Variants in LHFPL3 observed in about 807,000 individuals in gnomAD.
The protein encoded by LHFPL3 is LHFPL tetraspan subfamily member 3.
In LHFPL3, 5 loss-of-function variants were observed where a neutral mutation model predicts 19.3. The observed-to-expected ratio is 0.26, with a 90% CI of 0.14 to 0.54. The LOEUF is 0.54. Among genes scored for constraint, LHFPL3 ranks in the 20% least tolerant of loss-of-function variants. LHFPL3 has a pLI of 0.94. For missense variants in LHFPL3, 249 were observed against 307.4 expected (o/e 0.81, Z 1.42); for synonymous variants, 133 against 126.2 (o/e 1.05, Z -0.36).
intron 2 of LHFPL3, among the ~76,000 whole-genome samples, chr7:104,747,780 T>C (rs1048953206): frequency 4.6e-5 from 7 of 152,208 alleles, no homozygotes; most frequent in African/African-American, 1.7e-4. Flanking sequence ...CAAATAATAA[T>C]TTTCAGGTAG....
intron 1 of LHFPL3, among the ~76,000 whole-genome samples, chr7:104,432,849 T>C (rs1199098304): frequency 1.3e-5 from 2 of 152,152 alleles, no homozygotes; most frequent in African/African-American, 4.8e-5. Context: ...TCACACTCTT[T>C]TTTATCTTCC....
At chr7:104,561,004 C>G (rs1789984457) in intron 1 of LHFPL3, among the ~76,000 whole-genome samples, 2 of 151,438 alleles carry the variant, frequency 1.3e-5, no homozygotes, top group Non-Finnish European at 2.9e-5. Context: ...GAGTGAGATT[C>G]TTAACCCTGA....
At chr7:104,453,916 C>T (rs1027774173) in intron 1 of LHFPL3, among the ~76,000 whole-genome samples, 1 of 152,206 alleles carries the variant, frequency 6.6e-6, no homozygotes, top group Admixed American at 6.5e-5. Flanking sequence ...TCCCTGGAAG[C>T]AGAGCAGATG....
chr7:104,729,365 G>A (rs1474771587), intron 1 of LHFPL3, among the ~76,000 whole-genome samples: 1 of 152,096 alleles, frequency 6.6e-6, no homozygotes, highest in East Asian at 1.9e-4. Flanking sequence ...TTTGTGGCAA[G>A]AACATTCAAA....
chr7:104,701,955 T>G (rs1006500120), intron 1 of LHFPL3, among the ~76,000 whole-genome samples: 1 of 152,190 alleles, frequency 6.6e-6, no homozygotes, highest in African/African-American at 2.4e-5. Flanking sequence ...GGTGGTTTGC[T>G]GCATCCATCA....
intron 2 of LHFPL3, among the ~76,000 whole-genome samples, chr7:104,878,198 T>C (rs957573735): frequency 2.6e-5 from 4 of 151,992 alleles, no homozygotes; most frequent in Admixed American, 6.6e-5. Context: ...AGATGATGGA[T>C]AAACAAAATG....
chr7:104,874,481 G>A (rs951285444), intron 2 of LHFPL3, among the ~76,000 whole-genome samples: 2 of 149,348 alleles, frequency 1.3e-5, no homozygotes, highest in East Asian at 2.0e-4. Context: ...TGCAACCTCC[G>A]TCTCCACGGT....
chr7:104,398,896 T>C (rs898157731), intron 1 of LHFPL3, among the ~76,000 whole-genome samples: 1 of 152,078 alleles, frequency 6.6e-6, no homozygotes, highest in African/African-American at 2.4e-5. Context: ...ATATCACAAC[T>C]CCTATCATGC....
intron 1 of LHFPL3, among the ~76,000 whole-genome samples, chr7:104,460,532 T>C (rs1792640220): frequency 6.6e-6 from 1 of 152,086 alleles, no homozygotes. Context: ...ACTTTTTAAT[T>C]ATAGCCATTC....
chr7:104,710,313 T>G (rs1418050764), intron 1 of LHFPL3, among the ~76,000 whole-genome samples: 2 of 152,222 alleles, frequency 1.3e-5, no homozygotes, highest in Non-Finnish European at 2.9e-5. Flanking sequence ...ACATGAATAT[T>G]TGTTGGTGAG....
At chr7:104,689,727 T>C (rs868253624) in intron 1 of LHFPL3, among the ~76,000 whole-genome samples, 1 of 152,332 alleles carries the variant, frequency 6.6e-6, no homozygotes, top group African/African-American at 2.4e-5. Flanking sequence ...TCTGAGCTGA[T>C]GTTGATTCCA....
chr7:104,381,172 A>G lies in LHFPL3; in HGVS notation c.445+51948A>G, dbSNP rs147588902. Among the ~76,000 whole-genome samples, 8 of 152,282 alleles carry G rather than the reference A, an allele frequency of 5.3e-5. No homozygotes were observed. The East Asian group carries it at 1.5e-3, about 29-fold the overall frequency. On this transcript the variant is annotated intron_variant, in intron 1 of 2. Coordinates refer to ENST00000424859, the MANE Select transcript of LHFPL3 (RefSeq NM_199000.3). ...GTTCACTTGTGACATTTAGCTTAGG[A>G]ATGTATTCAATGAGGACTGTAAATT...
At chr7:104,805,241 C>A (rs139774133) in intron 2 of LHFPL3, among the ~76,000 whole-genome samples, 1 of 152,202 alleles carries the variant, frequency 6.6e-6, no homozygotes, top group Non-Finnish European at 1.5e-5. Flanking sequence ...GTTTCATTGA[C>A]GATATCTGGG....
chr7:104,351,674 CAT>C (rs1419152207), intron 1 of LHFPL3, among the ~76,000 whole-genome samples: 4 of 152,160 alleles, frequency 2.6e-5, no homozygotes. Flanking sequence ...TTTGGCCAAA[CAT>C]AGAAAACAAA....
intron 1 of LHFPL3, among the ~76,000 whole-genome samples, chr7:104,685,832 T>A (rs1792794263): frequency 6.6e-6 from 1 of 152,226 alleles, no homozygotes; most frequent in Non-Finnish European, 1.5e-5. Context: ...CAAGAGCAGT[T>A]GTTCCTTCAG....
intron 2 of LHFPL3, among the ~76,000 whole-genome samples, chr7:104,839,082 C>T (rs1791149823): frequency 6.6e-6 from 1 of 152,186 alleles, no homozygotes; most frequent in Non-Finnish European, 1.5e-5. Flanking sequence ...GGGGAGCTCC[C>T]TGCAGGTTCC....
chr7:104,476,482 G>T (rs535631887), intron 1 of LHFPL3, among the ~76,000 whole-genome samples: 1 of 150,710 alleles, frequency 6.6e-6, no homozygotes, highest in East Asian at 1.9e-4. Flanking sequence ...TTTTTGAGAT[G>T]AAGTTTTGCT....
At chr7:104,459,417 C>G (rs1792613914) in intron 1 of LHFPL3, among the ~76,000 whole-genome samples, 1 of 152,164 alleles carries the variant, frequency 6.6e-6, no homozygotes, top group Admixed American at 6.5e-5. Flanking sequence ...GAATCTTCTT[C>G]AGAGGAGTCA....
intron 1 of LHFPL3, among the ~76,000 whole-genome samples, chr7:104,627,378 T>C (rs1171193127): frequency 3.9e-5 from 6 of 152,238 alleles, no homozygotes; most frequent in Admixed American, 1.3e-4. Flanking sequence ...CATCCATTAA[T>C]GGATGCTTAG....
Sources: allele counts gnomAD v4.1 joint callset (sites outside exome capture counted in the v4.1 genomes callset), GRCh38; gene constraint gnomAD v4.1.1; transcripts MANE v1.5; gene names NCBI Gene and HGNC (gene_info 2026-07-23, HGNC 2026-07-21).